PKD2: variants seen among roughly 807,000 people sequenced by gnomAD.
PKD2 encodes polycystin-2.
Under a neutral mutation model 105.9 loss-of-function variants are expected in PKD2, and 48 were observed. That is an observed-to-expected ratio of 0.45 (90% CI 0.36 to 0.58). PKD2 has a LOEUF of 0.58. Among genes scored for constraint, PKD2 ranks in the 20% least tolerant of loss-of-function variants. PKD2 has a pLI of 0.00. For missense variants in PKD2, 1,078 were observed against 1,255.3 expected (o/e 0.86, Z 2.13); for synonymous variants, 464 against 481.1 (o/e 0.96, Z 0.46).
chr4:88,044,403 T>C (rs1241268009), intron 5 of PKD2, among the ~76,000 whole-genome samples: 1 of 152,224 alleles, frequency 6.6e-6, no homozygotes, highest in Non-Finnish European at 1.5e-5. Flanking sequence ...ATAATAGTCT[T>C]TGTCATCATT....
intron 4 of PKD2, among the ~76,000 whole-genome samples, chr4:88,041,696 G>A (rs1241211461): frequency 1.3e-5 from 2 of 152,166 alleles, no homozygotes; most frequent in Non-Finnish European, 2.9e-5. Context: ...ACTCTCAGAA[G>A]GAAAGCAGGT....
intron 4 of PKD2, among the ~76,000 whole-genome samples, chr4:88,042,287 CAAAG>C (rs1235846595): frequency 3.3e-5 from 5 of 152,144 alleles, no homozygotes; most frequent in Admixed American, 6.6e-5. Flanking sequence ...TGGCAGCAGG[CAAAG>C]AGAGAGAGCT....
intron 12 of PKD2, among the ~76,000 whole-genome samples, chr4:88,067,462 G>T (rs1720838884): frequency 6.6e-6 from 1 of 152,056 alleles, no homozygotes; most frequent in Non-Finnish European, 1.5e-5. Context: ...AGCTCAGGTA[G>T]CTGGGACTGC....
rs1721272097 is a variant in PKD2 at position 88,077,423 on chromosome 4, T to C, written c.*1729T>C. 6.5e-6 allele frequency: 1 copy of C among 152,690 alleles called. No individual in the cohort carries two copies. Among genetic ancestry groups the C allele is most frequent in the South Asian group, 2.1e-4 (1 of 4,836 alleles). 9.5% of individuals were successfully genotyped at this position (152,690 alleles called of 1,614,324 possible). ...TATGTATATGTACCATGTTGTTACA[T>C]GTAAACAAACTTCAATTTGAAGTGC... is the stretch of plus-strand genomic sequence containing the variant. On this transcript the variant is annotated 3_prime_UTR_variant, in exon 15 of 15. Transcript: ENST00000237596.
At chr4:88,045,617 T>C (rs963670051) in intron 5 of PKD2, among the ~76,000 whole-genome samples, 37 of 152,206 alleles carry the variant, frequency 2.4e-4, no homozygotes, top group Non-Finnish European at 5.9e-5. Context: ...TATCATTAAC[T>C]GAATCACCCA....
At position 88,043,471 on chromosome 4, in the gene PKD2, A is replaced by C. The variant is rs1457793039; in HGVS notation, c.1319+14A>C. The C allele has an allele frequency of 6.6e-7, 1 of 1,520,314 alleles. No homozygotes were observed. 94.2% of individuals were successfully genotyped at this position (1,520,314 alleles called of 1,614,324 possible). ...CTGTGTGGTCAGGTGTGTACTGAGGACATGCATCCCTCCTATTTCTGTGTG... is the reference window on the plus strand; with the variant it reads ...CTGTGTGGTCAGGTGTGTACTGAGGCCATGCATCCCTCCTATTTCTGTGTG... On this transcript the variant is annotated intron_variant, in intron 5 of 14. Coordinates refer to ENST00000237596, the MANE Select transcript of PKD2 (RefSeq NM_000297.4).
rs146759865 is a variant in PKD2, at chr4:88,053,064, G to C, written c.1716+906G>C. 2.3e-3 allele frequency among the ~76,000 whole-genome samples: 357 copies of C among 152,316 alleles called. 2 individuals are homozygous for C. Among genetic ancestry groups the C allele is most frequent in the African/African-American group, 8.0e-3 (334 of 41,562 alleles). ...AAATTTCAATAATTCTCAGGCAGCA[G>C]CTGCCATTCGGTCACCAGCACAGGC... On this transcript the variant is annotated intron_variant, in intron 7 of 14. Coordinates refer to ENST00000237596, the MANE Select transcript of PKD2 (RefSeq NM_000297.4).
At chr4:88,037,951 A>G (rs1727400878) in intron 3 of PKD2, among the ~76,000 whole-genome samples, 1 of 152,200 alleles carries the variant, frequency 6.6e-6, no homozygotes, top group Non-Finnish European at 1.5e-5. Context: ...CCTTTAGTCC[A>G]AGAACAAAAA....
chr4:88,063,618 A>G (rs1301478854), intron 10 of PKD2, among the ~76,000 whole-genome samples: 7 of 152,232 alleles, frequency 4.6e-5, no homozygotes, highest in Non-Finnish European at 8.8e-5. Flanking sequence ...TGAAAATCAA[A>G]ACAGAGTAAT....
intron 2 of PKD2, among the ~76,000 whole-genome samples, chr4:88,025,094 C>T (rs1037352391): frequency 1.3e-4 from 19 of 151,466 alleles, no homozygotes; most frequent in African/African-American, 3.9e-4. Flanking sequence ...GAGCCAAGTT[C>T]GCACCACTGC....
intron 4 of PKD2, among the ~76,000 whole-genome samples, chr4:88,039,509 A>G (rs1727474320): frequency 6.6e-6 from 1 of 151,998 alleles, no homozygotes; most frequent in Non-Finnish European, 1.5e-5. Flanking sequence ...TACTAAAAAT[A>G]CAAAAATTAG....
chr4:88,038,402 C>T lies in PKD2; in HGVS notation c.995C>T (p.Ser332Phe). 2 of 1,613,574 alleles carry T rather than the reference C, an allele frequency of 1.2e-6. No individual in the cohort carries two copies. Among genetic ancestry groups the T allele is most frequent in the Non-Finnish European group, 1.7e-6 (2 of 1,179,492 alleles). ...RQLRVRNGSC[S>F]IPQDLRDEIK... ...CTCCGAGTCAGAAATGGATCCTGCTCTATCCCCCAGGACTTGAGAGATGAA... is the reference window on the plus strand; with the variant it reads ...CTCCGAGTCAGAAATGGATCCTGCTTTATCCCCCAGGACTTGAGAGATGAA... The change falls in exon 4 of 15, where the codon TCT (serine) becomes TTT (phenylalanine). Residue 332 changes from serine (S) to phenylalanine (F), a missense_variant. By Grantham distance (155) the Ser-to-Phe change is radical (BLOSUM62 -2). This residue lies in a region of PKD2 where 868 missense variants were observed against 1,067.3 expected (regional missense o/e 0.81). Transcript: ENST00000237596.
chr4:88,068,123 C>T, intron 13 of PKD2, 62 bp downstream of exon 13: 1 of 1,268,644 alleles, frequency 7.9e-7, no homozygotes, highest in Non-Finnish European at 1.2e-6. Flanking sequence ...CCAGGCAGTT[C>T]CCTCATCTCT....
At position 88,076,653 on chromosome 4, in the gene PKD2, TTGA is replaced by T. The variant is rs1410834710; in HGVS notation, c.*960_*962del. ...TTTTAAGCAAAATTTTAAGAAAGTT[TTGA>T]AATTCATAAAGCATTTGGTTTTAAA... On this transcript the variant is annotated 3_prime_UTR_variant, in exon 15 of 15. Transcript: ENST00000237596. 6.6e-6 allele frequency: 1 copy of T among 152,232 alleles called. No individual in the cohort carries two copies. The highest frequency in any genetic ancestry group is 1.9e-4 in the East Asian group (1 of 5,200). 9.4% of individuals were successfully genotyped at this position (152,232 alleles called of 1,614,324 possible). A position where few individuals can be genotyped will look rare whatever the true frequency, so the allele number is the denominator to read the frequency against.
chr4:88,047,013 T>C (rs1727800067), intron 6 of PKD2, 143 bp downstream of exon 6: 1 of 697,020 alleles, frequency 1.4e-6, no homozygotes, highest in Non-Finnish European at 2.6e-6. Flanking sequence ...CTTCTGTTAC[T>C]AATTATTTTC....
At position 88,017,122 on chromosome 4, in the gene PKD2, G is replaced by A. The variant is rs561923696; in HGVS notation, c.596-2336G>A. Among the ~76,000 whole-genome samples the A allele has an allele frequency of 9.2e-5, 14 of 152,184 alleles. 1 individual carries two copies. In the South Asian group the frequency reaches 1.5e-3, roughly 16 times the overall value. ...GAGGATCACTTGAGGCCGAGAATTC[G>A]AGACCAGCCTGGGCAACGTATTGAG... is the stretch of plus-strand genomic sequence containing the variant. On this transcript the variant is annotated intron_variant, in intron 1 of 14. Transcript: ENST00000237596.
intron 1 of PKD2, among the ~76,000 whole-genome samples, chr4:88,010,094 A>AT (rs34009054): frequency 1.5e-3 from 210 of 143,270 alleles, no homozygotes; most frequent in Admixed American, 1.3e-3. Flanking sequence ...GGAATCGGGA[A>AT]TTTTTTTTTT....
intron 8 of PKD2, 133 bp downstream of exon 8, chr4:88,056,400 C>G: frequency 1.6e-6 from 1 of 644,924 alleles, no homozygotes; most frequent in South Asian, 1.9e-5. Flanking sequence ...GAATTAATTA[C>G]CTTTTCCCAA....
At chr4:88,047,734 A>G (rs1472732376) in intron 6 of PKD2, among the ~76,000 whole-genome samples, 1 of 152,184 alleles carries the variant, frequency 6.6e-6, no homozygotes, top group Non-Finnish European at 1.5e-5. Context: ...ACAGTGGCTC[A>G]TACCTATAAT....
Sources: allele counts gnomAD v4.1 joint callset (sites outside exome capture counted in the v4.1 genomes callset), GRCh38; gene constraint gnomAD v4.1.1; regional missense constraint gnomAD v4.1.1; transcripts MANE v1.5; gene names NCBI Gene and HGNC (gene_info 2026-07-23, HGNC 2026-07-21).